Variants in USP37 observed in about 807,000 individuals in gnomAD.
USP37 encodes ubiquitin specific peptidase 37.
A neutral mutation model predicts 124.0 loss-of-function variants in USP37; 27 were observed. The observed-to-expected ratio is 0.22, with a 90% confidence interval of 0.16 to 0.30. The LOEUF is 0.30. Ranked by LOEUF, USP37 falls within the 10% of genes least tolerant of loss-of-function variation. The probability of loss-of-function intolerance (pLI) is 1.00; values close to 1 mark genes in which losing one functional copy is unlikely to be tolerated. For synonymous variants in USP37, 365 were observed against 388.0 expected, an observed-to-expected ratio of 0.94 and a Z score of 0.70; for missense variants, 889 against 1,140.4, an observed-to-expected ratio of 0.78 and a Z score of 3.17.
intron 10 of USP37, among the ~76,000 whole-genome samples, chr2:218,514,820 T>C (rs763202393): frequency 6.6e-6 from 1 of 152,206 alleles, no homozygotes; most frequent in Non-Finnish European, 1.5e-5. Context: ...GGAATTCTTC[T>C]GTTAGGAGAG....
intron 10 of USP37, among the ~76,000 whole-genome samples, chr2:218,522,758 T>A (rs1436853542): frequency 1.6e-5 from 2 of 123,096 alleles, no homozygotes; most frequent in Non-Finnish European, 3.8e-5. Flanking sequence ...AAAATACATA[T>A]TTTATTAGAT....
rs1368727779 is a variant in USP37 at position 218,562,545 on chromosome 2, G to A, written c.-89+128C>T. On this transcript the variant is annotated intron_variant, in intron 2 of 25. Transcript: ENST00000258399. ...CTTTGAAAACATCCTTAATCAGAGAGCATTCAGTGGTAAATAAAGTATGGC... is the reference window on the plus strand; with the variant it reads ...CTTTGAAAACATCCTTAATCAGAGAACATTCAGTGGTAAATAAAGTATGGC... 30 of 392,226 alleles carry A rather than the reference G, an allele frequency of 7.6e-5. No individual in the cohort carries two copies. In the East Asian group the frequency reaches 1.0e-3, roughly 14 times the overall value. The allele number at this position is 392,226 out of a possible 1,614,324, so 24.3% of individuals were successfully genotyped here.
At chr2:218,500,783 T>G (rs1689333665) in intron 11 of USP37, 1 of 151,274 alleles carries the variant, frequency 6.6e-6, no homozygotes, top group Admixed American at 6.6e-5. Context: ...TACCATGTCA[T>G]GCCTTTTTTT....
chr2:218,464,047 TG>T (rs1259885943), intron 21 of USP37, among the ~76,000 whole-genome samples: 1 of 151,334 alleles, frequency 6.6e-6, no homozygotes, highest in Non-Finnish European at 1.5e-5. Flanking sequence ...TTAGTAGAGA[TG>T]GGGTTTCACC....
At position 218,526,785 on chromosome 2, in the gene USP37, CTT is replaced by C. The variant is rs71064454; in HGVS notation, c.863+3169_863+3170del. Among the ~76,000 whole-genome samples the C allele has an allele frequency of 1.6e-4, 12 of 75,936 alleles. No homozygotes were observed. In the South Asian group the frequency reaches 5.0e-3, roughly 32 times the overall value. The allele number at this position is 75,936 out of a possible 152,430, so 49.8% of individuals were successfully genotyped here. On this transcript the variant is annotated intron_variant, in intron 10 of 25. Coordinates refer to ENST00000258399, the MANE Select transcript of USP37 (RefSeq NM_020935.3). ...AACGTAAGTTTCTTCATTTCATTTG[CTT>C]TTTTTTTTTTTTTTTTTTTGGGACG...
At chr2:218,560,006 A>C (rs186212769) in intron 3 of USP37, among the ~76,000 whole-genome samples, 6 of 152,166 alleles carry the variant, frequency 3.9e-5, no homozygotes, top group East Asian at 3.9e-4. Flanking sequence ...CAAAAAAAAA[A>C]CACAAAAAAC....
In USP37 at chr2:218,468,012, C is replaced by T. The variant is rs1007122864; in HGVS notation, c.2300-1836G>A. Among the ~76,000 whole-genome samples, 13 of 151,666 alleles carry T rather than the reference C, an allele frequency of 8.6e-5. No homozygotes were observed. The East Asian group carries it at 9.7e-4, about 11-fold the overall frequency. ...AAGCGATTCTCCTGCCTCAGCCTCCCGAGTAGCTGGGATTACAGGTGTTCA... is the reference window on the plus strand; with the variant it reads ...AAGCGATTCTCCTGCCTCAGCCTCCTGAGTAGCTGGGATTACAGGTGTTCA... On this transcript the variant is annotated intron_variant, in intron 20 of 25. Transcript: ENST00000258399.
At chr2:218,496,248 G>A (rs1339642144) in intron 13 of USP37, among the ~76,000 whole-genome samples, 1 of 50,530 alleles carries the variant, frequency 2.0e-5, no homozygotes, top group East Asian at 2.8e-3. Flanking sequence ...AGCCAAGATC[G>A]CACCATTATA....
chr2:218,475,196 T>C lies in USP37; in HGVS notation c.2044-311A>G, dbSNP rs926039352. Among the ~76,000 whole-genome samples, 7 of 152,206 alleles carry C rather than the reference T, an allele frequency of 4.6e-5. No individual in the cohort carries two copies. The South Asian group carries it at 8.3e-4, about 18-fold the overall frequency. The stretch of plus-strand genomic sequence containing the variant: ...TCAGAGATAATTACTCTAAGTATTT[T>C]CAATTTATTTTCTTCCAGATATATA... On this transcript the variant is annotated intron_variant, in intron 19 of 25. Coordinates refer to ENST00000258399, the MANE Select transcript of USP37 (RefSeq NM_020935.3).
At chr2:218,483,545 T>C (rs966410380) in intron 16 of USP37, among the ~76,000 whole-genome samples, 12 of 147,834 alleles carry the variant, frequency 8.1e-5, no homozygotes, top group African/African-American at 2.8e-4. Flanking sequence ...GAAGCTTCTA[T>C]CACATAAGTC....
chr2:218,505,681 A>C (rs1242826639), intron 11 of USP37, among the ~76,000 whole-genome samples: 2 of 152,088 alleles, frequency 1.3e-5, no homozygotes, highest in African/African-American at 4.8e-5. Context: ...TGCCCTTGTA[A>C]GTTATTTCAT....
At chr2:218,561,943 G>A (rs1693335353) in intron 2 of USP37, among the ~76,000 whole-genome samples, 1 of 152,118 alleles carries the variant, frequency 6.6e-6, no homozygotes, top group Admixed American at 6.5e-5. Context: ...GTCATGTCTA[G>A]AGGATTTTTA....
chr2:218,508,451 C>T (rs1689800928), intron 11 of USP37, among the ~76,000 whole-genome samples: 1 of 151,986 alleles, frequency 6.6e-6, no homozygotes, highest in Non-Finnish European at 1.5e-5. Context: ...CCAAGGGTGG[C>T]AACTCACAAG....
In USP37 at chr2:218,462,039, C is replaced by T. The variant is rs189587828; in HGVS notation, c.2527+1267G>A. Among the ~76,000 whole-genome samples, 7 of 152,210 alleles carry T rather than the reference C, an allele frequency of 4.6e-5. No individual in the cohort carries two copies. The East Asian group carries it at 1.3e-3, about 29-fold the overall frequency. Reference sequence around the variant, plus strand: ...GGATGTGGTGGTGGGTGCCTGTAATCCCAGCTACTTGGGAAGCTGAGGCAG... The same window carrying T: ...GGATGTGGTGGTGGGTGCCTGTAATTCCAGCTACTTGGGAAGCTGAGGCAG... On this transcript the variant is annotated intron_variant, in intron 22 of 25. Transcript: ENST00000258399.
chr2:218,548,377 G>A (rs1329569332), intron 6 of USP37, among the ~76,000 whole-genome samples: 5 of 152,036 alleles, frequency 3.3e-5, no homozygotes, highest in African/African-American at 1.2e-4. Flanking sequence ...GTCTTACTCT[G>A]TCAACCAGGC....
At chr2:218,509,252 A>C (rs1689848179) in intron 11 of USP37, among the ~76,000 whole-genome samples, 1 of 152,234 alleles carries the variant, frequency 6.6e-6, no homozygotes, top group African/African-American at 2.4e-5. Flanking sequence ...CAACTGCAGC[A>C]CTACTGCCTG....
intron 17 of USP37, among the ~76,000 whole-genome samples, chr2:218,481,409 C>A (rs1164053342): frequency 1.3e-5 from 2 of 152,018 alleles, no homozygotes; most frequent in Non-Finnish European, 2.9e-5. Flanking sequence ...AACAGAACTT[C>A]CAGGGAAAAA....
chr2:218,546,185 T>C, intron 8 of USP37, 36 bp downstream of exon 8: 2 of 1,516,970 alleles, frequency 1.3e-6, no homozygotes, highest in East Asian at 4.5e-5. Flanking sequence ...TAAGAAACAC[T>C]GCTCTAACAC....
intron 10 of USP37, chr2:218,528,820 A>T: frequency 2.5e-6 from 1 of 396,154 alleles, no homozygotes. Flanking sequence ...AAAAAAAAAA[A>T]AAAAAAAAAA....
Sources: gnomAD v4.1 joint callset for allele counts (sites outside exome capture counted in the v4.1 genomes callset) on GRCh38, gnomAD v4.1.1 for gene constraint, MANE v1.5 for transcripts, NCBI Gene and HGNC (gene_info 2026-07-23, HGNC 2026-07-21) for gene names.